The following GPC5 variants were observed in gnomAD, a reference collection of about 807,000 sequenced individuals.
GPC5 encodes the protein glypican 5, also known as glypican-5.
Under a neutral mutation model 53.9 loss-of-function variants are expected in GPC5, and 47 were observed. That is an observed-to-expected ratio of 0.87 (90% CI 0.69 to 1.11). The LOEUF is 1.11. GPC5 is among the 50% of genes most tolerant of loss of function. The pLI is 0.00. For missense variants in GPC5, 748 were observed against 713.1 expected, an observed-to-expected ratio of 1.05 and a Z score of -0.56; for synonymous variants, 286 against 263.3, an observed-to-expected ratio of 1.09 and a Z score of -0.84.
In GPC5 at chr13:92,108,144, C is replaced by T. The variant is rs560810719; in HGVS notation, c.1402-36686C>T. Among the ~76,000 whole-genome samples the T allele has an allele frequency of 2.0e-5, 3 of 152,184 alleles. No individual in the cohort carries two copies. In the East Asian group the frequency reaches 5.8e-4, roughly 29 times the overall value. ...AGCTGTTACCTCTTATGCTCTGTTGCCTTGTTCTTTACATATTTTCTTGAA... is the reference window on the plus strand; with the variant it reads ...AGCTGTTACCTCTTATGCTCTGTTGTCTTGTTCTTTACATATTTTCTTGAA... On this transcript the variant is annotated intron_variant, in intron 6 of 7. Transcript: ENST00000377067.
chr13:92,763,588 G>T (rs1052457141), intron 7 of GPC5, among the ~76,000 whole-genome samples: 1 of 152,176 alleles, frequency 6.6e-6, no homozygotes, highest in African/African-American at 2.4e-5. Flanking sequence ...CAGAGCACAG[G>T]TACTCAGAGC....
chr13:92,292,234 AC>A (rs1348939574), intron 7 of GPC5, among the ~76,000 whole-genome samples: 8 of 152,292 alleles, frequency 5.3e-5, no homozygotes, highest in African/African-American at 1.9e-4. Context: ...TGGTAGCTCT[AC>A]TTTTAGTTCT....
chr13:91,690,473 T>C (rs960490418), intron 2 of GPC5, among the ~76,000 whole-genome samples: 1 of 152,152 alleles, frequency 6.6e-6, no homozygotes, highest in African/African-American at 2.4e-5. Context: ...CACAGTGGCC[T>C]TAAAAGAGAA....
chr13:92,536,351 C>T (rs1380060805), intron 7 of GPC5, among the ~76,000 whole-genome samples: 1 of 151,934 alleles, frequency 6.6e-6, no homozygotes, highest in Non-Finnish European at 1.5e-5. Flanking sequence ...AGTAGAAGAA[C>T]CCAATGTTAA....
At chr13:92,039,726 T>C (rs1317722906) in intron 6 of GPC5, among the ~76,000 whole-genome samples, 1 of 152,220 alleles carries the variant, frequency 6.6e-6, no homozygotes, top group Non-Finnish European at 1.5e-5. Flanking sequence ...AATGAATGGC[T>C]GCCTTCTGGC....
At chr13:92,633,053 G>T (rs1885305099) in intron 7 of GPC5, among the ~76,000 whole-genome samples, 1 of 152,050 alleles carries the variant, frequency 6.6e-6, no homozygotes. Context: ...ACTATGCCCA[G>T]CTTATTTTTG....
At chr13:91,485,509 C>T (rs1054728112) in intron 2 of GPC5, among the ~76,000 whole-genome samples, 2 of 152,192 alleles carry the variant, frequency 1.3e-5, no homozygotes, top group African/African-American at 2.4e-5. Flanking sequence ...TGAGCCACTG[C>T]GCCCGGCCGG....
At chr13:92,414,865 C>G (rs1327596415) in intron 7 of GPC5, among the ~76,000 whole-genome samples, 1 of 152,158 alleles carries the variant, frequency 6.6e-6, no homozygotes, top group Non-Finnish European at 1.5e-5. Flanking sequence ...TTCATAAAAG[C>G]TCTGCCCTTT....
At chr13:92,496,640 G>A (rs1193532363) in intron 7 of GPC5, among the ~76,000 whole-genome samples, 32 of 151,998 alleles carry the variant, frequency 2.1e-4, no homozygotes, top group Non-Finnish European at 1.9e-4. Context: ...GTGGATTGAC[G>A]ACCAAATTCA....
intron 7 of GPC5, among the ~76,000 whole-genome samples, chr13:92,622,751 G>A (rs1056496568): frequency 1.3e-5 from 2 of 151,954 alleles, no homozygotes; most frequent in Non-Finnish European, 2.9e-5. Flanking sequence ...ACGATAATAT[G>A]CCAACTACTC....
intron 2 of GPC5, among the ~76,000 whole-genome samples, chr13:91,542,552 G>A (rs1180262114): frequency 6.6e-6 from 1 of 152,202 alleles, no homozygotes; most frequent in Admixed American, 6.5e-5. Flanking sequence ...TGTAGGACAC[G>A]AGCGCAGTTG....
chr13:92,740,153 G>A (rs917489791), intron 7 of GPC5, among the ~76,000 whole-genome samples: 31 of 151,832 alleles, frequency 2.0e-4, no homozygotes, highest in African/African-American at 7.3e-4. Flanking sequence ...TGCAGTTGGT[G>A]TACCCTCTGC....
intron 6 of GPC5, among the ~76,000 whole-genome samples, chr13:92,009,115 C>T (rs915163522): frequency 6.6e-6 from 1 of 151,952 alleles, no homozygotes; most frequent in Non-Finnish European, 1.5e-5. Flanking sequence ...ATAGCATTAT[C>T]TCTTTCATTT....
rs1463014669 is a variant in GPC5, at chr13:91,693,651, C to T, written c.790C>T (p.Leu264=). 15 of 1,613,972 alleles carry T rather than the reference C, an allele frequency of 9.3e-6. No homozygotes were observed. The highest frequency in any genetic ancestry group is 1.2e-5 in the Non-Finnish European group (14 of 1,179,974). Residue 264 remains leucine, a synonymous_variant, in exon 3 of 8, where the codon CTG becomes TTG. Transcript: ENST00000377067. ...GCAATACTGCCCGCACTGCCAAGGC[C>T]TGGCGCTCACTAAGCCTTGTATGGG... ...KMQYCPHCQG[L]ALTKPCMGYC...
chr13:92,353,470 G>T (rs2043497622), intron 7 of GPC5, among the ~76,000 whole-genome samples: 1 of 152,174 alleles, frequency 6.6e-6, no homozygotes, highest in Non-Finnish European at 1.5e-5. Flanking sequence ...TGACTATAAA[G>T]AAAGTAAGGA....
intron 7 of GPC5, among the ~76,000 whole-genome samples, chr13:92,168,725 C>T (rs1593955251): frequency 6.6e-6 from 1 of 152,182 alleles, no homozygotes; most frequent in African/African-American, 2.4e-5. Flanking sequence ...TGCTTTTACA[C>T]TGTTGGTGGC....
chr13:92,822,466 A>G (rs1208553726), intron 7 of GPC5, among the ~76,000 whole-genome samples: 1 of 152,126 alleles, frequency 6.6e-6, no homozygotes, highest in Non-Finnish European at 1.5e-5. Flanking sequence ...CTTAAACCCC[A>G]AAAGTCTGAA....
At chr13:91,785,207 A>C (rs1335392096) in intron 5 of GPC5, among the ~76,000 whole-genome samples, 1 of 152,158 alleles carries the variant, frequency 6.6e-6, no homozygotes, top group Admixed American at 6.5e-5. Context: ...AAACCCTTTG[A>C]ACTAGGTTTT....
intron 7 of GPC5, among the ~76,000 whole-genome samples, chr13:92,608,007 C>T (rs1285344601): frequency 1.3e-5 from 2 of 152,094 alleles, no homozygotes; most frequent in Non-Finnish European, 2.9e-5. Flanking sequence ...AAATATATTT[C>T]CTTATGATTT....
Sources: allele counts gnomAD v4.1 joint callset (sites outside exome capture counted in the v4.1 genomes callset), GRCh38; gene constraint gnomAD v4.1.1; transcripts MANE v1.5; gene names NCBI Gene and HGNC (gene_info 2026-07-23, HGNC 2026-07-21).